Variants in NOS1AP observed in about 807,000 individuals in gnomAD.
The protein encoded by NOS1AP is nitric oxide synthase 1 adaptor protein.
Under a neutral mutation model 56.2 loss-of-function variants are expected in NOS1AP, and 21 were observed. That is an observed-to-expected ratio of 0.37 (90% confidence interval 0.26 to 0.54). The LOEUF (loss-of-function observed/expected upper bound fraction) is 0.54. Among genes scored for constraint, NOS1AP ranks in the 20% least tolerant of loss-of-function variants. The pLI, the probability that NOS1AP is intolerant of heterozygous loss-of-function variation, is 0.84. For missense variants in NOS1AP, 522 were observed against 657.8 expected, an observed-to-expected ratio of 0.79 and a Z score of 2.26; for synonymous variants, 270 against 274.6, an observed-to-expected ratio of 0.98 and a Z score of 0.17.
intron 2 of NOS1AP, among the ~76,000 whole-genome samples, chr1:162,252,616 C>G (rs989365337): frequency 3.3e-5 from 5 of 152,068 alleles, no homozygotes; most frequent in Non-Finnish European, 7.4e-5. Context: ...CAAGTTGTTT[C>G]TTTAATTACC....
At chr1:162,259,081 G>A (rs1654125287) in intron 2 of NOS1AP, among the ~76,000 whole-genome samples, 1 of 152,168 alleles carries the variant, frequency 6.6e-6, no homozygotes, top group African/African-American at 2.4e-5. Context: ...CAATAAGGTT[G>A]TTGGGTTATG....
chr1:162,273,705 T>G (rs1425733228), intron 2 of NOS1AP, among the ~76,000 whole-genome samples: 2 of 152,224 alleles, frequency 1.3e-5, no homozygotes, highest in East Asian at 1.9e-4. Flanking sequence ...AAATTGATTT[T>G]GGGGGTATAG....
chr1:162,147,331 CA>C (rs572205161), intron 1 of NOS1AP, among the ~76,000 whole-genome samples: 18,245 of 74,900 alleles, frequency 0.24, 1,193 homozygotes, highest in African/African-American at 0.38. Flanking sequence ...GACTCCGTCT[CA>C]AAAAAAAAAA....
At chr1:162,233,326 G>C (rs527733961) in intron 2 of NOS1AP, among the ~76,000 whole-genome samples, 1 of 152,294 alleles carries the variant, frequency 6.6e-6, no homozygotes, top group South Asian at 2.1e-4. Flanking sequence ...CATGGTGGTG[G>C]CTGGCGGGGT....
chr1:162,365,404 G>A lies in NOS1AP; in HGVS notation c.940G>A (p.Val314Ile). 1 of 1,614,106 alleles carries A rather than the reference G, an allele frequency of 6.2e-7. No individual in the cohort carries two copies. Among genetic ancestry groups the A allele is most frequent in the Non-Finnish European group, 8.5e-7 (1 of 1,180,044 alleles). Residue 314 changes from valine to isoleucine, a missense_variant and splice_region_variant, in exon 9 of 10, where the codon GTA (valine) becomes ATA (isoleucine). Coordinates refer to ENST00000361897, the MANE Select transcript of NOS1AP (RefSeq NM_014697.3). ...QQQTQVAVAQVHLLKDQLAAE... is the reference protein window; with the variant it reads ...QQQTQVAVAQIHLLKDQLAAE... ...CTCTGCCGCTGCCTCTTCTCTGCAGGTACACTTGCTGAAGGACCAGTTGGC... is the reference window on the plus strand; with the variant it reads ...CTCTGCCGCTGCCTCTTCTCTGCAGATACACTTGCTGAAGGACCAGTTGGC...
chr1:162,186,731 C>T (rs1651446845), intron 2 of NOS1AP, among the ~76,000 whole-genome samples: 1 of 152,206 alleles, frequency 6.6e-6, no homozygotes, highest in Admixed American at 6.5e-5. Flanking sequence ...TCACCAGACA[C>T]TGGATCTGTT....
chr1:162,154,754 G>T (rs1004041384), intron 2 of NOS1AP, among the ~76,000 whole-genome samples: 1 of 152,142 alleles, frequency 6.6e-6, no homozygotes, highest in African/African-American at 2.4e-5. Flanking sequence ...GATGATGTGT[G>T]GTGACTGGCC....
intron 2 of NOS1AP, among the ~76,000 whole-genome samples, chr1:162,231,839 C>G (rs1031069751): frequency 6.6e-6 from 1 of 151,998 alleles, no homozygotes; most frequent in Non-Finnish European, 1.5e-5. Flanking sequence ...TAAAAAGTTA[C>G]GAAAATTTTA....
chr1:162,287,408 T>G lies in NOS1AP; in HGVS notation c.242T>G (p.Val81Gly), dbSNP rs1571191811. ...KVSIMVSVDG[V>G]KVILKKKKKL... is the part of the protein sequence containing the mutation. The stretch of plus-strand genomic sequence containing the variant: ...AGCATTATGGTTTCAGTGGATGGAG[T>G]GAAAGTGATTCTGAAGAAGAAGAAA... Residue 81 changes from valine (V) to glycine (G), a missense_variant, in exon 3 of 10, where the codon GTG becomes GGG. Physicochemically the swap from Val to Gly is moderately radical, Grantham distance 109. Coordinates refer to ENST00000361897, the MANE Select transcript of NOS1AP (RefSeq NM_014697.3). 6.2e-7 allele frequency: 1 copy of G among 1,612,824 alleles called. No homozygotes were observed. Among genetic ancestry groups the G allele is most frequent in the Non-Finnish European group, 8.5e-7 (1 of 1,179,016 alleles).
chr1:162,104,206 C>G (rs950793667), intron 1 of NOS1AP, among the ~76,000 whole-genome samples: 1 of 152,166 alleles, frequency 6.6e-6, no homozygotes, highest in South Asian at 2.1e-4. Context: ...GTTGGAAATT[C>G]TTTGCTTTAA....
chr1:162,135,782 A>AGTGC (rs1204848824), intron 1 of NOS1AP, among the ~76,000 whole-genome samples: 1 of 152,188 alleles, frequency 6.6e-6, no homozygotes, highest in Non-Finnish European at 1.5e-5. Flanking sequence ...ATCTAAATGA[A>AGTGC]CTTTGTGCAT....
At chr1:162,204,162 A>G (rs1049400058) in intron 2 of NOS1AP, among the ~76,000 whole-genome samples, 1 of 152,190 alleles carries the variant, frequency 6.6e-6, no homozygotes, top group Non-Finnish European at 1.5e-5. Flanking sequence ...ACATAGCCCA[A>G]AAGGGCACAA....
At chr1:162,127,288 A>C (rs766962602) in intron 1 of NOS1AP, among the ~76,000 whole-genome samples, 4 of 152,086 alleles carry the variant, frequency 2.6e-5, no homozygotes, top group Non-Finnish European at 5.9e-5. Flanking sequence ...AAAACTTTTT[A>C]AGTTGAAAGT....
At chr1:162,236,712 C>T (rs1049316145) in intron 2 of NOS1AP, among the ~76,000 whole-genome samples, 1 of 152,162 alleles carries the variant, frequency 6.6e-6, no homozygotes, top group African/African-American at 2.4e-5. Context: ...CCTCAATTTG[C>T]CTTCCTTTCT....
At chr1:162,197,750 G>A (rs1651854292) in intron 2 of NOS1AP, among the ~76,000 whole-genome samples, 1 of 152,206 alleles carries the variant, frequency 6.6e-6, no homozygotes, top group African/African-American at 2.4e-5. Flanking sequence ...TCCACCACCA[G>A]GGGCCAACTG....
chr1:162,070,549 G>A (rs899860854), intron 1 of NOS1AP, among the ~76,000 whole-genome samples: 2 of 152,192 alleles, frequency 1.3e-5, no homozygotes, highest in Non-Finnish European at 2.9e-5. Flanking sequence ...ACCCGCCTAG[G>A]ACTGGATTGA....
chr1:162,323,165 G>A (rs1422350622), intron 4 of NOS1AP, among the ~76,000 whole-genome samples: 1 of 152,192 alleles, frequency 6.6e-6, no homozygotes, highest in African/African-American at 2.4e-5. Flanking sequence ...GGGAAATTTG[G>A]ACACAGAGAC....
intron 1 of NOS1AP, among the ~76,000 whole-genome samples, chr1:162,073,033 T>A (rs935133322): frequency 6.6e-6 from 1 of 152,176 alleles, no homozygotes; most frequent in Non-Finnish European, 1.5e-5. Flanking sequence ...ATTTTCAGGG[T>A]TCTGCAGAGA....
At chr1:162,274,942 T>C (rs1654691094) in intron 2 of NOS1AP, among the ~76,000 whole-genome samples, 1 of 152,256 alleles carries the variant, frequency 6.6e-6, no homozygotes, top group Admixed American at 6.5e-5. Flanking sequence ...TTGAGAGTTC[T>C]TTATATGAAT....
Sources: allele counts gnomAD v4.1 joint callset (sites outside exome capture counted in the v4.1 genomes callset), GRCh38; gene constraint gnomAD v4.1.1; transcripts MANE v1.5; gene names NCBI Gene and HGNC (gene_info 2026-07-23, HGNC 2026-07-21).